The following CFTR variants were observed in gnomAD, a reference collection of about 807,000 sequenced individuals.
CFTR encodes the protein cystic fibrosis transmembrane conductance regulator.
CFTR carries 181 observed loss-of-function variants against 171.6 expected under a neutral mutation model. That is an observed-to-expected ratio of 1.05 (90% confidence interval 0.93 to 1.19). The LOEUF (loss-of-function observed/expected upper bound fraction) is 1.19, where lower values mean the gene tolerates loss of function less well. Among genes scored for constraint, CFTR ranks in the 50% most tolerant of loss-of-function variants. The pLI is 0.00. For synonymous variants in CFTR, 583 were observed against 608.0 expected (o/e 0.96, Z 0.60); for missense variants, 1,968 against 1,734.7 (o/e 1.13, Z -2.39).
intron 18 of CFTR, among the ~76,000 whole-genome samples, chr7:117,607,373 CTGAT>C (rs1015842550): frequency 1.6e-4 from 24 of 152,196 alleles, no homozygotes; most frequent in African/African-American, 5.3e-4. Context: ...GTTGGGGTGA[CTGAT>C]TGGTGGTGAG....
intron 21 of CFTR, among the ~76,000 whole-genome samples, chr7:117,625,375 GGA>G (rs1382284937): frequency 1.3e-5 from 2 of 152,144 alleles, no homozygotes; most frequent in African/African-American, 4.8e-5. Flanking sequence ...CTTCACTAAT[GGA>G]GAATGTAATT....
intron 11 of CFTR, among the ~76,000 whole-genome samples, chr7:117,566,904 A>T (rs1158041571): frequency 6.6e-6 from 1 of 152,248 alleles, no homozygotes; most frequent in African/African-American, 2.4e-5. Flanking sequence ...ACAAATTACT[A>T]GCTTAACAAA....
chr7:117,649,375 T>A (rs1292374361), intron 23 of CFTR, among the ~76,000 whole-genome samples: 2 of 149,864 alleles, frequency 1.3e-5, no homozygotes, highest in South Asian at 2.1e-4. Flanking sequence ...TATATATACA[T>A]GTATATCTAT....
chr7:117,636,818 C>CTT (rs761365825), intron 22 of CFTR, among the ~76,000 whole-genome samples: 3 of 144,468 alleles, frequency 2.1e-5, no homozygotes. Context: ...AAACCTTTAG[C>CTT]TTTTTTTTTT....
intron 22 of CFTR, among the ~76,000 whole-genome samples, chr7:117,639,139 G>GAA (rs1438702397): frequency 4.6e-5 from 7 of 152,168 alleles, no homozygotes; most frequent in Non-Finnish European, 8.8e-5. Flanking sequence ...GTCTTCATGT[G>GAA]AAAACACTTT....
chr7:117,610,575 C>T lies in CFTR; in HGVS notation c.3045C>T (p.Ile1015=). The stretch of plus-strand genomic sequence containing the variant: ...TTGTCGCAGTTTTACAACCCTACAT[C>T]TTTGTTGCAACAGTGCCAGTGATAG... ...IAVVAVLQPY[I]FVATVPVIVA... Residue 1015 remains isoleucine (I), a synonymous_variant, in exon 19 of 27, where the codon ATC becomes ATT. Transcript: ENST00000003084. The T allele has an allele frequency of 6.2e-7, 1 of 1,613,438 alleles. No individual in the cohort carries two copies. Among genetic ancestry groups the T allele is most frequent in the African/African-American group, 1.3e-5 (1 of 75,006 alleles).
In CFTR at chr7:117,614,593, C is replaced by T. The variant is rs761144879; in HGVS notation, c.3368-20C>T. 21 of 1,480,730 alleles carry T rather than the reference C, an allele frequency of 1.4e-5. No individual in the cohort carries two copies. Among genetic ancestry groups the T allele is most frequent in the Middle Eastern group, 1.7e-4 (1 of 5,842 alleles). The allele number at this position is 1,480,730 out of a possible 1,614,324, so 91.7% of individuals were successfully genotyped here. ...AGAGAAATAACATGAGGTTCATTTA[C>T]GTCTTTTGTGCATCTATAGGAGAAG... On this transcript the variant is annotated intron_variant, in intron 20 of 26. Coordinates refer to ENST00000003084, the MANE Select transcript of CFTR (RefSeq NM_000492.4).
chr7:117,542,032 A>G lies in CFTR; in HGVS notation c.1133A>G (p.Gln378Arg), dbSNP rs768589673. The G allele has an allele frequency of 1.3e-6, 2 of 1,559,798 alleles. No homozygotes were observed. Among genetic ancestry groups the G allele is most frequent in the Admixed American group, 1.7e-5 (1 of 59,870 alleles). ...INKIQDFLQK[Q>R]EYKTLEYNLT... ...TATAAATAGGATTTCTTACAAAAGC[A>G]AGAATATAAGACATTGGAATATAAC... is the stretch of plus-strand genomic sequence containing the variant. The change falls in exon 9 of 27, where the codon CAA becomes CGA. Residue 378 changes from glutamine (Q) to arginine (R), a missense_variant. By Grantham distance (43) the Gln-to-Arg change is conservative. Coordinates refer to ENST00000003084, the MANE Select transcript of CFTR (RefSeq NM_000492.4).
Position 117,610,559 on chromosome 7 carries a change from T to A in CFTR, c.3029T>A (p.Val1010Asp). Residue 1010 changes from valine to aspartate, a missense_variant, in exon 19 of 27, where the codon GTT becomes GAT. Transcript: ENST00000003084. ...ATTGGAGCTATAGCAGTTGTCGCAG[T>A]TTTACAACCCTACATCTTTGTTGCA... ...IVIGAIAVVA[V>D]LQPYIFVATV... 1 of 1,613,544 alleles carries A rather than the reference T, an allele frequency of 6.2e-7. No homozygotes were observed. Among genetic ancestry groups the A allele is most frequent in the Non-Finnish European group, 8.5e-7 (1 of 1,179,646 alleles).
At chr7:117,547,768 G>T (rs2027945) in intron 9 of CFTR, among the ~76,000 whole-genome samples, 1 of 151,980 alleles carries the variant, frequency 6.6e-6, no homozygotes, top group Non-Finnish European at 1.5e-5. Flanking sequence ...GCAACGTAGT[G>T]AGACTAGTAC....
intron 21 of CFTR, among the ~76,000 whole-genome samples, chr7:117,625,173 T>C (rs571377706): frequency 1.2e-4 from 18 of 152,306 alleles, no homozygotes; most frequent in African/African-American, 3.6e-4. Context: ...GTGCCCAGTC[T>C]TAAGATTAAA....
At chr7:117,636,049 C>T (rs1288990208) in intron 22 of CFTR, among the ~76,000 whole-genome samples, 1 of 152,072 alleles carries the variant, frequency 6.6e-6, no homozygotes, top group Non-Finnish European at 1.5e-5. Flanking sequence ...ACCAGCCAGA[C>T]CTACTGACAA....
At chr7:117,524,809 T>G (rs35608825) in intron 3 of CFTR, among the ~76,000 whole-genome samples, 1 of 152,024 alleles carries the variant, frequency 6.6e-6, no homozygotes, top group Non-Finnish European at 1.5e-5. Flanking sequence ...TGTTAGGCAG[T>G]GCTTAGAATA....
At chr7:117,615,230 C>T (rs1792467198) in intron 21 of CFTR, among the ~76,000 whole-genome samples, 1 of 151,982 alleles carries the variant, frequency 6.6e-6, no homozygotes, top group African/African-American at 2.4e-5. Flanking sequence ...ACTCATTTGT[C>T]ACCTAGTTTT....
chr7:117,652,872 A>G lies in CFTR; in HGVS notation c.3904A>G (p.Lys1302Glu). The change falls in exon 24 of 27, where the codon AAA becomes GAA. Residue 1302 changes from lysine to glutamate, a missense_variant. Lys to Glu is a moderately conservative substitution (Grantham distance 56). Transcript: ENST00000003084. Reference sequence around the variant, plus strand: ...ATTTATTTTTTCTGGAACATTTAGAAAAAACTTGGATCCCTATGAACAGTG... The same window carrying G: ...ATTTATTTTTTCTGGAACATTTAGAGAAAACTTGGATCCCTATGAACAGTG... ...KVFIFSGTFR[K>E]NLDPYEQWSD... 6.3e-7 allele frequency: 1 copy of G among 1,593,798 alleles called. No homozygotes were observed. The highest frequency in any genetic ancestry group is 8.6e-7 in the Non-Finnish European group (1 of 1,163,384).
At chr7:117,650,979 A>G (rs904950171) in intron 23 of CFTR, among the ~76,000 whole-genome samples, 2 of 152,138 alleles carry the variant, frequency 1.3e-5, no homozygotes, top group African/African-American at 4.8e-5. Flanking sequence ...AGCTCCTACT[A>G]TCTCCTAGCT....
intron 1 of CFTR, among the ~76,000 whole-genome samples, chr7:117,492,303 AC>A (rs1253788782): frequency 6.6e-6 from 1 of 151,968 alleles, no homozygotes; most frequent in African/African-American, 2.4e-5. Context: ...AAGTATAGGC[AC>A]CCTCACATTT....
intron 11 of CFTR, among the ~76,000 whole-genome samples, chr7:117,586,017 C>T (rs1049507734): frequency 5.9e-5 from 9 of 152,174 alleles, no homozygotes; most frequent in South Asian, 4.1e-4. Flanking sequence ...AATACACACA[C>T]GAGCTGTTTT....
chr7:117,655,736 C>T (rs1793156763), intron 24 of CFTR, among the ~76,000 whole-genome samples: 1 of 152,160 alleles, frequency 6.6e-6, no homozygotes, highest in African/African-American at 2.4e-5. Context: ...GGGGCTACTA[C>T]ACGATGTCTT....
Sources: gnomAD v4.1 joint callset for allele counts (sites outside exome capture counted in the v4.1 genomes callset) on GRCh38, gnomAD v4.1.1 for gene constraint, MANE v1.5 for transcripts, NCBI Gene and HGNC (gene_info 2026-07-23, HGNC 2026-07-21) for gene names.